PDCD4: variants seen among roughly 807,000 people sequenced by gnomAD.
PDCD4 encodes programmed cell death protein 4.
A neutral mutation model predicts 54.0 loss-of-function variants in PDCD4; 56 were observed. That is an observed-to-expected ratio of 1.04 (90% CI 0.84 to 1.30). The LOEUF (loss-of-function observed/expected upper bound fraction) is 1.30. PDCD4 is among the 50% of genes most tolerant of loss of function. The pLI is 0.00. For synonymous variants in PDCD4, 186 were observed against 194.8 expected (o/e 0.95, Z 0.37); for missense variants, 584 against 559.8 (o/e 1.04, Z -0.44).
chr10:110,898,102 T>C lies in PDCD4; in HGVS notation c.*14T>C. ...GAGAGCTACTGAATATAAGAACTCTTGCAGTCTTAGATGTTATAAAAATAT... is the reference window on the plus strand; with the variant it reads ...GAGAGCTACTGAATATAAGAACTCTCGCAGTCTTAGATGTTATAAAAATAT... On this transcript the variant is annotated 3_prime_UTR_variant, in exon 12 of 12. Transcript: ENST00000280154. The C allele has an allele frequency of 6.6e-7, 1 of 1,510,370 alleles. No individual in the cohort carries two copies. The allele number at this position is 1,510,370 out of a possible 1,614,324, so 93.6% of individuals were successfully genotyped here. A position where few individuals can be genotyped will look rare whatever the true frequency, so the allele number is the denominator to read the frequency against.
chr10:110,885,664 AAATAT>A (rs1289229112), intron 5 of PDCD4, among the ~76,000 whole-genome samples: 3 of 151,686 alleles, frequency 2.0e-5, no homozygotes, highest in African/African-American at 7.3e-5. Flanking sequence ...ATAATTTATA[AAATAT>A]AATTTTAGCA....
Position 110,894,529 on chromosome 10 carries a change from A to G in PDCD4, c.1209+7A>G. On this transcript the variant is annotated splice_region_variant and intron_variant, in intron 10 of 11. Transcript: ENST00000280154. ...TGTAGACCAAATGAAAAGAGTAAGTATAACATTGTTTTTGAACAACTTGTA... is the reference window on the plus strand; with the variant it reads ...TGTAGACCAAATGAAAAGAGTAAGTGTAACATTGTTTTTGAACAACTTGTA... 8.5e-7 allele frequency: 1 copy of G among 1,174,970 alleles called. No homozygotes were observed. The highest frequency in any genetic ancestry group is 1.3e-6 in the Non-Finnish European group (1 of 793,316). The allele number at this position is 1,174,970 out of a possible 1,614,324, so 72.8% of individuals were successfully genotyped here.
chr10:110,874,186 C>T (rs1019202818), intron 1 of PDCD4, among the ~76,000 whole-genome samples: 1 of 152,254 alleles, frequency 6.6e-6, no homozygotes. Context: ...GGAATACCTA[C>T]CCGAAGGTTT....
intron 1 of PDCD4, among the ~76,000 whole-genome samples, chr10:110,872,609 G>A (rs1371615884): frequency 2.6e-5 from 4 of 152,230 alleles, no homozygotes; most frequent in African/African-American, 4.8e-5. Context: ...GGGAGAACAG[G>A]CCCGGCCGCT....
chr10:110,885,585 T>C (rs1305960873), intron 5 of PDCD4, among the ~76,000 whole-genome samples: 2 of 151,888 alleles, frequency 1.3e-5, no homozygotes, highest in Non-Finnish European at 2.9e-5. Flanking sequence ...CTCTGAAAAA[T>C]GACACAATAT....
chr10:110,879,592 G>T (rs1232175008), intron 2 of PDCD4, among the ~76,000 whole-genome samples: 11 of 151,288 alleles, frequency 7.3e-5, no homozygotes, highest in Non-Finnish European at 1.5e-5. Flanking sequence ...GGCAGAGCTT[G>T]CAGTGAGCTG....
chr10:110,887,613 C>CTA (rs1845687317), intron 5 of PDCD4, 52 bp from the exon 6 acceptor site: 2 of 1,284,458 alleles, frequency 1.6e-6, no homozygotes, highest in Admixed American at 3.7e-5. Context: ...TTTTATTGAA[C>CTA]TATAGGTAGT....
Position 110,887,732 on chromosome 10 carries a change from C to G in PDCD4, c.623C>G (p.Ala208Gly), listed in dbSNP as rs750636925. Residue 208 changes from alanine (A) to glycine (G), a missense_variant, in exon 6 of 12, where the codon GCA (alanine) becomes GGA (glycine). Physicochemically the swap from Ala to Gly is moderately conservative, Grantham distance 60. Coordinates refer to ENST00000280154, the MANE Select transcript of PDCD4 (RefSeq NM_014456.5). ...GTACCAGTGTTGGCAGTATCCTTAG[C>G]ATTGGAGGGGAAGGCTAGTCATAGA... The part of the protein sequence containing the change: ...SGVPVLAVSL[A>G]LEGKASHREM... 6.2e-7 allele frequency: 1 copy of G among 1,613,392 alleles called. No individual in the cohort carries two copies. Among genetic ancestry groups the G allele is most frequent in the South Asian group, 1.1e-5 (1 of 91,060 alleles).
At chr10:110,890,747 A>G (rs1845742812) in intron 8 of PDCD4, 77 bp downstream of exon 8, 9 of 805,104 alleles carry the variant, frequency 1.1e-5, no homozygotes, top group Non-Finnish European at 1.5e-5. Flanking sequence ...ACTAGCTGGT[A>G]TTTTTATGGA....
intron 5 of PDCD4, among the ~76,000 whole-genome samples, chr10:110,886,000 A>G (rs1325428486): frequency 1.3e-5 from 2 of 152,190 alleles, no homozygotes; most frequent in African/African-American, 2.4e-5. Context: ...CTTAAAATTT[A>G]GACTGGACTT....
Position 110,898,050 on chromosome 10 carries a change from G to T in PDCD4, c.1372G>T (p.Glu458Ter). ...PSRGRKRFVS[E>*]GDGGRLKPES... ...CAGGGGCAGAAAGCGTTTTGTAAGC[G>T]AAGGAGATGGAGGTCGTCTTAAACC... Residue 458 changes from glutamate (E) to a stop codon, truncating the protein, a stop_gained, in exon 12 of 12, where the codon GAA becomes TAA. Transcript: ENST00000280154. LOFTEE classifies it high-confidence loss of function. The T allele has an allele frequency of 6.3e-7, 1 of 1,589,804 alleles. No individual in the cohort carries two copies. The highest frequency in any genetic ancestry group is 8.6e-7 in the Non-Finnish European group (1 of 1,166,248).
Position 110,877,510 on chromosome 10 carries a change from T to G in PDCD4, c.43+1440T>G, listed in dbSNP as rs561877247. On this transcript the variant is annotated intron_variant, in intron 2 of 11. Coordinates refer to ENST00000280154, the MANE Select transcript of PDCD4 (RefSeq NM_014456.5). ...TTAAATAAAATATATTTAAATTAAT[T>G]TCACCTGTTTTTACTTTTTAATGTG... Among the ~76,000 whole-genome samples, 193 of 152,298 alleles carry G rather than the reference T, an allele frequency of 1.3e-3. No individual in the cohort carries two copies. The Middle Eastern group carries it at 0.017, about 13-fold the overall frequency.
chr10:110,887,871 TC>T lies in PDCD4; in HGVS notation c.764del (p.Pro255LeufsTer32). On this transcript the variant is annotated frameshift_variant, in exon 6 of 12. Coordinates refer to ENST00000280154, the MANE Select transcript of PDCD4 (RefSeq NM_014456.5). LOFTEE classifies it high-confidence loss of function. ...ATCTACCTGAATTAGCACTGGATAC[TC>T]CTAGAGCACCACAGGTTTGTATGAT... ...KDLPELALDT[P>X]RAPQLVGQFI... 1 of 1,603,920 alleles carries T rather than the reference TC, an allele frequency of 6.2e-7. No individual in the cohort carries two copies. Among genetic ancestry groups the T allele is most frequent in the Non-Finnish European group, 8.5e-7 (1 of 1,170,840 alleles).
chr10:110,889,730 CT>C lies in PDCD4; in HGVS notation c.875+101del, dbSNP rs3838745. Reference sequence around the variant, plus strand: ...TGTGTTAATCAGACACTCTGTACATCTGTTTGTCACTTCTCTATATTCTCCA... The same window carrying C: ...TGTGTTAATCAGACACTCTGTACATCGTTTGTCACTTCTCTATATTCTCCA... On this transcript the variant is annotated intron_variant, in intron 7 of 11. Coordinates refer to ENST00000280154, the MANE Select transcript of PDCD4 (RefSeq NM_014456.5). The C allele has an allele frequency of 3.9e-3, 2,764 of 712,562 alleles. 89 individuals are homozygous for C. In the East Asian group the frequency reaches 0.062, roughly 16 times the overall value. The allele number at this position is 712,562 out of a possible 1,614,324, so 44.1% of individuals were successfully genotyped here. A position where few individuals can be genotyped will look rare whatever the true frequency, so the allele number is the denominator to read the frequency against.
In PDCD4 at chr10:110,894,821, G is replaced by C. The variant is rs117601162; in HGVS notation, c.1209+299G>C. Among the ~76,000 whole-genome samples the C allele has an allele frequency of 7.8e-3, 1,173 of 151,192 alleles. 17 individuals are homozygous for C. The highest frequency in any genetic ancestry group is 8.6e-3 in the Non-Finnish European group (585 of 67,788). On this transcript the variant is annotated intron_variant, in intron 10 of 11. Coordinates refer to ENST00000280154, the MANE Select transcript of PDCD4 (RefSeq NM_014456.5). ...ACAATTTCTATTTTATATCTAGAGAGAAACATGAACCTTTAACTTTTAACA... is the reference window on the plus strand; with the variant it reads ...ACAATTTCTATTTTATATCTAGAGACAAACATGAACCTTTAACTTTTAACA...
rs1438896262 is a variant in PDCD4, at chr10:110,887,873, C to T, written c.764C>T (p.Pro255Leu). Reference protein sequence around the residue: ...KDLPELALDTPRAPQLVGQFI... With the variant: ...KDLPELALDTLRAPQLVGQFI... ...CTACCTGAATTAGCACTGGATACTC[C>T]TAGAGCACCACAGGTTTGTATGATT... Residue 255 changes from proline (P) to leucine (L), a missense_variant, in exon 6 of 12, where the codon CCT (proline) becomes CTT (leucine). Physicochemically the swap from Pro to Leu is moderately conservative, Grantham distance 98. Transcript: ENST00000280154. The T allele has an allele frequency of 6.9e-6, 11 of 1,600,004 alleles. No individual in the cohort carries two copies. Among genetic ancestry groups the T allele is most frequent in the African/African-American group, 1.3e-5 (1 of 74,582 alleles).
intron 1 of PDCD4, among the ~76,000 whole-genome samples, chr10:110,872,570 C>T (rs1032513966): frequency 3.3e-5 from 5 of 152,210 alleles, no homozygotes; most frequent in Non-Finnish European, 7.4e-5. Context: ...CGGGCTGGGA[C>T]TTCGGGGGTC....
intron 10 of PDCD4, 33 bp from the exon 11 acceptor site, chr10:110,895,915 C>G: frequency 6.6e-7 from 1 of 1,504,538 alleles, no homozygotes; most frequent in Non-Finnish European, 8.9e-7. Context: ...TTTATATGGG[C>G]TAACAATTCT....
In PDCD4 at chr10:110,885,441, A is replaced by G; in HGVS notation, c.555+75A>G. ...TCTTTTATAAGCAAAATACATCTACAATGATCTTGGGTCACTGAATAAATT... is the reference window on the plus strand; with the variant it reads ...TCTTTTATAAGCAAAATACATCTACGATGATCTTGGGTCACTGAATAAATT... On this transcript the variant is annotated intron_variant, in intron 5 of 11. Coordinates refer to ENST00000280154, the MANE Select transcript of PDCD4 (RefSeq NM_014456.5). 9 of 655,934 alleles carry G rather than the reference A, an allele frequency of 1.4e-5. No individual in the cohort carries two copies. In the South Asian group the frequency reaches 1.8e-4, roughly 13 times the overall value. 40.6% of individuals were successfully genotyped at this position (655,934 alleles called of 1,614,324 possible).
Sources: allele counts gnomAD v4.1 joint callset (sites outside exome capture counted in the v4.1 genomes callset), GRCh38; gene constraint gnomAD v4.1.1; transcripts MANE v1.5; gene names NCBI Gene and HGNC (gene_info 2026-07-23, HGNC 2026-07-21).